Variants in BMERB1 observed in about 807,000 individuals in gnomAD.
BMERB1 encodes bMERB domain-containing protein 1.
Under a neutral mutation model 23.6 loss-of-function variants are expected in BMERB1, and 12 were observed. The ratio of observed to expected loss-of-function variants is 0.51; its 90% confidence interval spans 0.33 to 0.82. The LOEUF (loss-of-function observed/expected upper bound fraction) is 0.82. Ranked by LOEUF, BMERB1 falls within the 40% of genes least tolerant of loss-of-function variation. The pLI is 0.03. For synonymous variants in BMERB1, 122 were observed against 96.6 expected (o/e 1.26, Z -1.54); for missense variants, 247 against 255.4 (o/e 0.97, Z 0.22).
intron 2 of BMERB1, among the ~76,000 whole-genome samples, chr16:15,522,750 C>T (rs1039885322): frequency 5.9e-5 from 9 of 152,156 alleles, no homozygotes; most frequent in Admixed American, 2.6e-4. Flanking sequence ...TTCAGTGCCC[C>T]GCTGCTCAAA....
intron 2 of BMERB1, among the ~76,000 whole-genome samples, chr16:15,523,809 T>C (rs1340472085): frequency 6.6e-6 from 1 of 152,124 alleles, no homozygotes; most frequent in East Asian, 1.9e-4. Flanking sequence ...AACATTGTGC[T>C]TCGTGGGAGA....
chr16:15,516,040 G>C (rs779160590), intron 2 of BMERB1, among the ~76,000 whole-genome samples: 2 of 152,172 alleles, frequency 1.3e-5, no homozygotes, highest in Admixed American at 6.5e-5. Flanking sequence ...TGGGAGGACT[G>C]CTTGAGTCCT....
intron 2 of BMERB1, among the ~76,000 whole-genome samples, chr16:15,560,557 T>C (rs1039869818): frequency 6.6e-6 from 1 of 152,130 alleles, no homozygotes; most frequent in African/African-American, 2.4e-5. Flanking sequence ...TTTGGGAGGC[T>C]GAGGTGGGTG....
intron 1 of BMERB1, among the ~76,000 whole-genome samples, chr16:15,466,368 A>G (rs1322367953): frequency 6.6e-6 from 1 of 152,034 alleles, no homozygotes; most frequent in African/African-American, 2.4e-5. Flanking sequence ...TAGGTTTATT[A>G]GCTGGAATTT....
At chr16:15,560,709 C>G (rs1466473704) in intron 2 of BMERB1, among the ~76,000 whole-genome samples, 1 of 151,800 alleles carries the variant, frequency 6.6e-6, no homozygotes, top group African/African-American at 2.4e-5. Context: ...GGGAGGATGG[C>G]TTGAGCCCAG....
At chr16:15,537,685 C>T (rs1283270665) in intron 2 of BMERB1, among the ~76,000 whole-genome samples, 2 of 141,516 alleles carry the variant, frequency 1.4e-5, no homozygotes, top group African/African-American at 5.3e-5. Context: ...AAGAGACGGG[C>T]TTTCACTCTG....
chr16:15,488,599 C>T (rs533992207), intron 1 of BMERB1, among the ~76,000 whole-genome samples: 103 of 150,900 alleles, frequency 6.8e-4, no homozygotes, highest in African/African-American at 2.3e-3. Context: ...TTTGGGAGGC[C>T]GAGGCGGGTG....
At chr16:15,553,855 C>T (rs1302245579) in intron 2 of BMERB1, among the ~76,000 whole-genome samples, 1 of 152,126 alleles carries the variant, frequency 6.6e-6, no homozygotes, top group Admixed American at 6.6e-5. Context: ...AGTGCACTCT[C>T]TCCTTGGTGT....
intron 1 of BMERB1, among the ~76,000 whole-genome samples, chr16:15,496,673 G>A (rs1176004181): frequency 1.3e-5 from 2 of 152,002 alleles, no homozygotes; most frequent in Admixed American, 1.3e-4. Context: ...CGAGTAGCTG[G>A]GACTACAGGC....
chr16:15,577,513 A>G (rs982982921), intron 3 of BMERB1, among the ~76,000 whole-genome samples: 10 of 152,342 alleles, frequency 6.6e-5, no homozygotes, highest in African/African-American at 2.4e-4. Context: ...AGAAGGAGCA[A>G]AAGTTTATTA....
At chr16:15,539,065 CATT>C (rs1442437791) in intron 2 of BMERB1, among the ~76,000 whole-genome samples, 1 of 152,110 alleles carries the variant, frequency 6.6e-6, no homozygotes, top group Non-Finnish European at 1.5e-5. Context: ...TTATTTCTAT[CATT>C]ATTACTTTGT....
intron 5 of BMERB1, 29 bp from the exon 6 acceptor site, chr16:15,586,688 C>T (rs1300863053): frequency 1.9e-6 from 3 of 1,548,214 alleles, no homozygotes; most frequent in Admixed American, 1.9e-5. Flanking sequence ...CCTTTCTCCC[C>T]CTCTCCCTGT....
At chr16:15,437,389 A>T (rs1007514681) in intron 1 of BMERB1, among the ~76,000 whole-genome samples, 2 of 152,186 alleles carry the variant, frequency 1.3e-5, no homozygotes, top group African/African-American at 4.8e-5. Context: ...AAATAAGATG[A>T]TACATATAGT....
chr16:15,444,123 GTTTTTTTTTTT>G (rs150793082), intron 1 of BMERB1, among the ~76,000 whole-genome samples: 3,899 of 35,742 alleles, frequency 0.11, 260 homozygotes, highest in Middle Eastern at 0.22. Context: ...CACCAGCTTT[GTTTTTTTTTTT>G]TTTTTTTTTT....
chr16:15,445,002 C>T (rs552928302), intron 1 of BMERB1, among the ~76,000 whole-genome samples: 41 of 152,248 alleles, frequency 2.7e-4, no homozygotes, highest in Middle Eastern at 3.4e-3. Flanking sequence ...CTAGGCCTCC[C>T]GCCTAGGCCT....
chr16:15,560,064 C>T (rs934568257), intron 2 of BMERB1, among the ~76,000 whole-genome samples: 1 of 152,162 alleles, frequency 6.6e-6, no homozygotes. Flanking sequence ...CCTCCTTTAG[C>T]GGAAGGTGTG....
At chr16:15,563,307 G>A (rs943498930) in intron 2 of BMERB1, among the ~76,000 whole-genome samples, 2 of 146,750 alleles carry the variant, frequency 1.4e-5, no homozygotes, top group Admixed American at 6.6e-5. Context: ...TGCAACCTCC[G>A]CCTCCTGGGT....
chr16:15,559,630 G>A (rs1281403945), intron 2 of BMERB1, among the ~76,000 whole-genome samples: 2 of 152,204 alleles, frequency 1.3e-5, no homozygotes, highest in Non-Finnish European at 2.9e-5. Context: ...CTGACTTCTT[G>A]TTTGCCTTAA....
chr16:15,545,797 A>G (rs2029894425), intron 2 of BMERB1, among the ~76,000 whole-genome samples: 1 of 152,136 alleles, frequency 6.6e-6, no homozygotes, highest in Admixed American at 6.5e-5. Flanking sequence ...TTCTCTAATA[A>G]TGACTGACAC....
Sources: allele counts gnomAD v4.1 joint callset (sites outside exome capture counted in the v4.1 genomes callset), GRCh38; gene constraint gnomAD v4.1.1; transcripts MANE v1.5; gene names NCBI Gene and HGNC (gene_info 2026-07-23, HGNC 2026-07-21).